The following FBXW7 variants were observed in gnomAD, a reference collection of about 807,000 sequenced individuals.
The protein encoded by FBXW7 is F-box and WD repeat domain containing 7.
In FBXW7, 11 loss-of-function variants were observed where a neutral mutation model predicts 86.3. That is an observed-to-expected ratio of 0.13 (90% CI 0.08 to 0.21). The LOEUF is 0.21. FBXW7 is among the 10% of genes least tolerant of loss of function. The probability of loss-of-function intolerance (pLI) is 1.00; values close to 1 mark genes in which losing one functional copy is unlikely to be tolerated. For missense variants in FBXW7, 488 were observed against 847.4 expected (o/e 0.58, Z 5.27); for synonymous variants, 313 against 297.9 (o/e 1.05, Z -0.52).
intron 2 of FBXW7, among the ~76,000 whole-genome samples, chr4:152,506,776 C>T (rs921619536): frequency 6.6e-6 from 1 of 152,186 alleles, no homozygotes; most frequent in Non-Finnish European, 1.5e-5. Context: ...AAATTAACTA[C>T]TGCAATTAGG....
chr4:152,341,268 T>C (rs1730712961), intron 6 of FBXW7, among the ~76,000 whole-genome samples: 1 of 152,166 alleles, frequency 6.6e-6, no homozygotes, highest in Admixed American at 6.5e-5. Context: ...TTCCCTTTTA[T>C]TTACTCTGCT....
At chr4:152,385,669 T>C (rs1002573717) in intron 4 of FBXW7, among the ~76,000 whole-genome samples, 4 of 152,072 alleles carry the variant, frequency 2.6e-5, no homozygotes, top group African/African-American at 7.2e-5. Flanking sequence ...TTAAGGCTGT[T>C]TGTACCTCAA....
intron 2 of FBXW7, among the ~76,000 whole-genome samples, chr4:152,431,119 T>C (rs1739854769): frequency 6.6e-6 from 1 of 152,218 alleles, no homozygotes. Context: ...CTGTGGTAAT[T>C]GTTTGCCTTA....
intron 2 of FBXW7, among the ~76,000 whole-genome samples, chr4:152,415,548 T>C (rs34244214): frequency 6.3e-4 from 96 of 152,124 alleles, no homozygotes; most frequent in African/African-American, 2.2e-3. Flanking sequence ...AAATTAATAA[T>C]TTATTAATTA....
intron 4 of FBXW7, among the ~76,000 whole-genome samples, chr4:152,407,516 G>C (rs1232694706): frequency 2.0e-5 from 3 of 152,146 alleles, no homozygotes; most frequent in East Asian, 3.9e-4. Flanking sequence ...GTGTAACTTA[G>C]AGCCCTGTTA....
Position 152,455,837 on chromosome 4 carries a change from CCTT to C in FBXW7, c.-119-43311_-119-43309del, listed in dbSNP as rs372633751. Among the ~76,000 whole-genome samples, 36 of 152,290 alleles carry C rather than the reference CCTT, an allele frequency of 2.4e-4. 1 individual carries two copies. Among genetic ancestry groups the C allele is most frequent in the East Asian group, 1.9e-3 (10 of 5,182 alleles). ...TCTTCTGCCCTGATTGGTTTTGCCT[CCTT>C]CTTACAAGGACTCTCTGATTACACT... On this transcript the variant is annotated intron_variant, in intron 2 of 13. Transcript: ENST00000281708.
chr4:152,322,324 CAAAAA>C lies in FBXW7; in HGVS notation c.*552_*556del, dbSNP rs3841114. 1.5e-3 allele frequency: 253 copies of C among 165,482 alleles called. No homozygotes were observed. The highest frequency in any genetic ancestry group is 3.4e-3 in the Middle Eastern group (2 of 588). 10.3% of individuals were successfully genotyped at this position (165,482 alleles called of 1,614,324 possible). The stretch of plus-strand genomic sequence containing the variant: ...ATTGATTGACATTGGCAATGGTTGG[CAAAAA>C]AAAAAAAAAAAAAGCTTTTCATGAT... On this transcript the variant is annotated 3_prime_UTR_variant, in exon 14 of 14. Coordinates refer to ENST00000281708, the MANE Select transcript of FBXW7 (RefSeq NM_001349798.2).
chr4:152,485,908 A>G (rs183681056), intron 2 of FBXW7, among the ~76,000 whole-genome samples: 2 of 152,300 alleles, frequency 1.3e-5, no homozygotes, highest in Admixed American at 1.3e-4. Context: ...AACCACAGGG[A>G]TATCTTCTGA....
At chr4:152,505,735 G>A (rs1012064408) in intron 2 of FBXW7, among the ~76,000 whole-genome samples, 1 of 149,404 alleles carries the variant, frequency 6.7e-6, no homozygotes, top group Admixed American at 6.7e-5. Context: ...TCTTGAGGCT[G>A]TTTTGCAATT....
chr4:152,321,263 T>A lies in FBXW7; in HGVS notation c.*1618A>T, dbSNP rs1728535405. On this transcript the variant is annotated 3_prime_UTR_variant, in exon 14 of 14. Coordinates refer to ENST00000281708, the MANE Select transcript of FBXW7 (RefSeq NM_001349798.2). ...AGTGGAAGAAACAGGCATACTAACA[T>A]GAAAAAACACATTTTATTGCACTTA... 4.3e-6 allele frequency: 1 copy of A among 231,254 alleles called. No individual in the cohort carries two copies. The highest frequency in any genetic ancestry group is 8.6e-6 in the Non-Finnish European group (1 of 116,678). 14.3% of individuals were successfully genotyped at this position (231,254 alleles called of 1,614,324 possible). A position where few individuals can be genotyped will look rare whatever the true frequency, so the allele number is the denominator to read the frequency against.
intron 2 of FBXW7, among the ~76,000 whole-genome samples, chr4:152,431,103 A>T (rs561126521): frequency 6.6e-6 from 1 of 152,230 alleles, no homozygotes; most frequent in Non-Finnish European, 1.5e-5. Flanking sequence ...AGGCATATTC[A>T]TCTAACTGTG....
At chr4:152,341,301 G>A (rs553595427) in intron 6 of FBXW7, among the ~76,000 whole-genome samples, 2 of 152,128 alleles carry the variant, frequency 1.3e-5, no homozygotes, top group African/African-American at 4.8e-5. Flanking sequence ...CTCTTTCTGT[G>A]CTGTAAACAC....
chr4:152,444,259 C>T (rs922371880), intron 2 of FBXW7, among the ~76,000 whole-genome samples: 2 of 152,108 alleles, frequency 1.3e-5, no homozygotes, highest in African/African-American at 2.4e-5. Context: ...GAGCACTTTC[C>T]TATGTCTTAC....
intron 2 of FBXW7, among the ~76,000 whole-genome samples, chr4:152,444,193 T>G (rs952641173): frequency 2.6e-5 from 4 of 152,190 alleles, no homozygotes; most frequent in Non-Finnish European, 4.4e-5. Context: ...ATGCACTATA[T>G]GTACATATAT....
At position 152,515,325 on chromosome 4, in the gene FBXW7, C is replaced by T. The variant is rs1280556758; in HGVS notation, c.-120+19616G>A. Among the ~76,000 whole-genome samples the T allele has an allele frequency of 3.3e-5, 5 of 152,154 alleles. No homozygotes were observed. In the South Asian group the frequency reaches 6.2e-4, roughly 19 times the overall value. On this transcript the variant is annotated intron_variant, in intron 2 of 13. Coordinates refer to ENST00000281708, the MANE Select transcript of FBXW7 (RefSeq NM_001349798.2). Reference sequence around the variant, plus strand: ...AAAGCAGATCATTGATTGCCTGAAGCGAGGGTGCAGGGAAGGATTTAACTG... The same window carrying T: ...AAAGCAGATCATTGATTGCCTGAAGTGAGGGTGCAGGGAAGGATTTAACTG...
intron 4 of FBXW7, among the ~76,000 whole-genome samples, chr4:152,389,899 T>C (rs943188865): frequency 6.6e-6 from 1 of 152,040 alleles, no homozygotes; most frequent in African/African-American, 2.4e-5. Flanking sequence ...AAATGCATTG[T>C]TTCAATTCTT....
At chr4:152,327,501 G>A (rs1729155986) in intron 11 of FBXW7, among the ~76,000 whole-genome samples, 1 of 151,984 alleles carries the variant, frequency 6.6e-6, no homozygotes, top group African/African-American at 2.4e-5. Flanking sequence ...ATTTTAATAG[G>A]AGGGCTTTAC....
chr4:152,333,611 T>G (rs988463934), intron 7 of FBXW7, among the ~76,000 whole-genome samples: 1 of 152,168 alleles, frequency 6.6e-6, no homozygotes, highest in East Asian at 1.9e-4. Context: ...AGTTTTCATA[T>G]GAAATAAATG....
rs1739206737 is a variant in FBXW7 at position 152,424,483 on chromosome 4, TTATCA to T, written c.-119-11959_-119-11955del. Among the ~76,000 whole-genome samples the T allele has an allele frequency of 5.3e-5, 8 of 152,322 alleles. No individual in the cohort carries two copies. In the South Asian group the frequency reaches 8.3e-4, roughly 16 times the overall value. On this transcript the variant is annotated intron_variant, in intron 2 of 13. Transcript: ENST00000281708. The stretch of plus-strand genomic sequence containing the variant: ...TATTACTTAAAACTCTCTTCATCTC[TTATCA>T]TATTTATTTAAAACCATCATATTCT...
Sources: gnomAD v4.1 joint callset for allele counts (sites outside exome capture counted in the v4.1 genomes callset) on GRCh38, gnomAD v4.1.1 for gene constraint, MANE v1.5 for transcripts, NCBI Gene and HGNC (gene_info 2026-07-23, HGNC 2026-07-21) for gene names.